Variants in FSIP2 observed in about 807,000 individuals in gnomAD.
FSIP2 encodes fibrous sheath interacting protein 2.
In FSIP2, 367 loss-of-function variants were observed where a neutral mutation model predicts 510.5. The observed-to-expected ratio is 0.72, with a 90% CI of 0.66 to 0.78. The LOEUF (loss-of-function observed/expected upper bound fraction) is 0.78. Among genes scored for constraint, FSIP2 ranks in the 30% least tolerant of loss-of-function variants. The pLI is 0.00. For missense variants in FSIP2, 7,594 were observed against 7,901.7 expected (o/e 0.96, Z 1.48); for synonymous variants, 2,601 against 2,732.2 (o/e 0.95, Z 1.50).
At chr2:185,756,376 C>G (rs771601946) in intron 9 of FSIP2, 98 bp downstream of exon 9, 14 of 420,886 alleles carry the variant, frequency 3.3e-5, no homozygotes, top group Non-Finnish European at 5.5e-5. Context: ...GCAGACAAAT[C>G]CTGTTTTCTT....
At position 185,796,051 on chromosome 2, in the gene FSIP2, A is replaced by G. The variant is rs766304470; in HGVS notation, c.8915A>G (p.Tyr2972Cys). Reference protein sequence around the residue: ...NKHSLSSLPIYNTKTKDQISV... With the variant: ...NKHSLSSLPICNTKTKDQISV... ...CATAGCCTCAGCAGTTTACCAATCT[A>G]TAACACAAAGACAAAAGACCAAATT... The change falls in exon 16 of 23, where the codon TAT becomes TGT. Residue 2972 changes from tyrosine to cysteine, a missense_variant. Coordinates refer to ENST00000424728, the MANE Select transcript of FSIP2 (RefSeq NM_173651.4). 6 of 1,532,154 alleles carry G rather than the reference A, an allele frequency of 3.9e-6. No individual in the cohort carries two copies. The highest frequency in any genetic ancestry group is 5.2e-6 in the Non-Finnish European group (6 of 1,145,390). 94.9% of individuals were successfully genotyped at this position (1,532,154 alleles called of 1,614,324 possible). A position where few individuals can be genotyped will look rare whatever the true frequency, so the allele number is the denominator to read the frequency against.
intron 13 of FSIP2, among the ~76,000 whole-genome samples, chr2:185,779,519 T>C (rs951050026): frequency 1.3e-5 from 2 of 152,136 alleles, no homozygotes; most frequent in African/African-American, 4.8e-5. Flanking sequence ...TGTTGAACGC[T>C]GTAAATTTAC....
chr2:185,791,501 G>C lies in FSIP2; in HGVS notation c.4365G>C (p.Gln1455His). The C allele has an allele frequency of 6.5e-7, 1 of 1,534,358 alleles. No individual in the cohort carries two copies. ...SKLLGTHLHS[Q>H]LSCSQQSREM... ...TCCTGGGGACCCATCTTCATTCTCA[G>C]CTATCTTGTAGTCAACAAAGCAGAG... The change falls in exon 16 of 23, where the codon CAG becomes CAC. Residue 1455 changes from glutamine to histidine, a missense_variant. Coordinates refer to ENST00000424728, the MANE Select transcript of FSIP2 (RefSeq NM_173651.4).
chr2:185,801,143 G>T lies in FSIP2; in HGVS notation c.11837G>T (p.Arg3946Ile). Reference sequence around the variant, plus strand: ...TCCTCTTCTGTGTCACCTTTTGAAAGACAGAGAACAAAGGAAATGGATAAG... The same window carrying T: ...TCCTCTTCTGTGTCACCTTTTGAAATACAGAGAACAAAGGAAATGGATAAG... Reference protein sequence around the residue: ...VKSSSVSPFERQRTKEMDKVA... With the variant: ...VKSSSVSPFEIQRTKEMDKVA... Residue 3946 changes from arginine to isoleucine, a missense_variant, in exon 17 of 23, where the codon AGA becomes ATA. Coordinates refer to ENST00000424728, the MANE Select transcript of FSIP2 (RefSeq NM_173651.4). 6.5e-7 allele frequency: 1 copy of T among 1,533,758 alleles called. No homozygotes were observed. The highest frequency in any genetic ancestry group is 8.7e-7 in the Non-Finnish European group (1 of 1,145,446).
rs1559031408 is a variant in FSIP2, at chr2:185,799,790, T to C, written c.10484T>C (p.Ile3495Thr). The C allele has an allele frequency of 6.5e-7, 1 of 1,528,506 alleles. No individual in the cohort carries two copies. Among genetic ancestry groups the C allele is most frequent in the East Asian group, 2.5e-5 (1 of 40,614 alleles). 94.7% of individuals were successfully genotyped at this position (1,528,506 alleles called of 1,614,324 possible). A position where few individuals can be genotyped will look rare whatever the true frequency, so the allele number is the denominator to read the frequency against. The change falls in exon 17 of 23, where the codon ATT (isoleucine) becomes ACT (threonine). Residue 3495 changes from isoleucine (I) to threonine (T), a missense_variant. Ile to Thr is a moderately conservative substitution (Grantham distance 89). Coordinates refer to ENST00000424728, the MANE Select transcript of FSIP2 (RefSeq NM_173651.4). ...AGAAACATATACGATGATTCTTCAATTTATCAATGTTGTGAACATCTCACT... is the reference window on the plus strand; with the variant it reads ...AGAAACATATACGATGATTCTTCAACTTATCAATGTTGTGAACATCTCACT... ...FLRNIYDDSS[I>T]YQCCEHLTES...
chr2:185,808,468 T>C lies in FSIP2; in HGVS notation c.19162T>C (p.Leu6388=), dbSNP rs768949670. The C allele has an allele frequency of 1.9e-6, 3 of 1,607,038 alleles. No individual in the cohort carries two copies. Among genetic ancestry groups the C allele is most frequent in the South Asian group, 1.1e-5 (1 of 89,420 alleles). ...TAAAATTGCATCTCAACTGTCAAAATTGGTAACAGCTGAAATTTCCAGAAG... is the reference window on the plus strand; with the variant it reads ...TAAAATTGCATCTCAACTGTCAAAACTGGTAACAGCTGAAATTTCCAGAAG... ...LNKIASQLSK[L]VTAEISRSSI... The change falls in exon 17 of 23, where the codon TTG becomes CTG. Residue 6388 remains leucine, a synonymous_variant. Transcript: ENST00000424728.
upstream of FSIP2, among the ~76,000 whole-genome samples, chr2:185,737,733 A>G (rs1691813395): frequency 6.6e-6 from 1 of 151,988 alleles, no homozygotes; most frequent in Non-Finnish European, 1.5e-5. Flanking sequence ...GAGTAGATTG[A>G]ATTTAAGACA....
In FSIP2 at chr2:185,793,834, T is replaced by C. The variant is rs866671266; in HGVS notation, c.6698T>C (p.Val2233Ala). 2.5e-5 allele frequency: 39 copies of C among 1,532,598 alleles called. 1 individual carries two copies. In the East Asian group the frequency reaches 5.9e-4, roughly 23 times the overall value. The allele number at this position is 1,532,598 out of a possible 1,614,324, so 94.9% of individuals were successfully genotyped here. The change falls in exon 16 of 23, where the codon GTA (valine) becomes GCA (alanine). Residue 2233 changes from valine (V) to alanine (A), a missense_variant. By Grantham distance (64) the Val-to-Ala change is moderately conservative. Transcript: ENST00000424728. ...AYADDNQITV[V>A]EKEDTQKSAT... is the part of the protein sequence containing the mutation. ...GCTGATGATAATCAGATAACTGTAG[T>C]AGAGAAAGAAGACACTCAGAAATCT... is the stretch of plus-strand genomic sequence containing the variant.
Position 185,804,939 on chromosome 2 carries a change from T to A in FSIP2, c.15633T>A (p.Asp5211Glu). Residue 5211 changes from aspartate to glutamate, a missense_variant, in exon 17 of 23, where the codon GAT (aspartate) becomes GAA (glutamate). Physicochemically the swap from Asp to Glu is conservative, Grantham distance 45. Transcript: ENST00000424728. ...AATTCCAAGCTGAAGTACAAAAAGATGCAGACAAAAAAGGATGCTCATTCC... is the reference window on the plus strand; with the variant it reads ...AATTCCAAGCTGAAGTACAAAAAGAAGCAGACAAAAAAGGATGCTCATTCC... ...TSEFQAEVQK[D>E]ADKKGCSFLS... is the part of the protein sequence containing the mutation. 6.5e-7 allele frequency: 1 copy of A among 1,528,760 alleles called. No individual in the cohort carries two copies. Among genetic ancestry groups the A allele is most frequent in the Admixed American group, 2.0e-5 (1 of 49,048 alleles). 94.7% of individuals were successfully genotyped at this position (1,528,760 alleles called of 1,614,324 possible). A position where few individuals can be genotyped will look rare whatever the true frequency, so the allele number is the denominator to read the frequency against.
chr2:185,760,950 A>G (rs1302163095), intron 9 of FSIP2, 38 bp from the exon 10 acceptor site: 9 of 838,450 alleles, frequency 1.1e-5, no homozygotes, highest in East Asian at 2.7e-5. Context: ...TGTTAAAAAA[A>G]AAAAAAACTA....
At chr2:185,740,726 T>C (rs569638439) in intron 2 of FSIP2, among the ~76,000 whole-genome samples, 69 of 152,252 alleles carry the variant, frequency 4.5e-4, no homozygotes, top group South Asian at 3.1e-3. Flanking sequence ...AGTCCTTTCA[T>C]TATTACCTCC....
rs1208871514 is a variant in FSIP2, at chr2:185,802,793, A to G, written c.13487A>G (p.Asp4496Gly). 3 of 1,521,060 alleles carry G rather than the reference A, an allele frequency of 2.0e-6. No individual in the cohort carries two copies. Among genetic ancestry groups the G allele is most frequent in the Non-Finnish European group, 2.6e-6 (3 of 1,141,092 alleles). The allele number at this position is 1,521,060 out of a possible 1,614,324, so 94.2% of individuals were successfully genotyped here. Residue 4496 changes from aspartate (D) to glycine (G), a missense_variant, in exon 17 of 23, where the codon GAT becomes GGT. Asp to Gly is a moderately conservative substitution (Grantham distance 94, BLOSUM62 -1). Transcript: ENST00000424728. ...SLVLNRDTQK[D>G]ISRVNFNDIA... is the part of the protein sequence containing the mutation. ...GTTCTAAACAGAGACACCCAAAAAG[A>G]TATATCAAGAGTGAATTTCAATGAC...
Position 185,792,788 on chromosome 2 carries a change from C to A in FSIP2, c.5652C>A (p.Thr1884=). The stretch of plus-strand genomic sequence containing the variant: ...CAAATGTTTCTTCTCATGAACACAC[C>A]TATAAAGGAAAGTCCTCTGTCACGG... ...FSANVSSHEH[T]YKGKSSVTAL... Residue 1884 remains threonine, a synonymous_variant, in exon 16 of 23, where the codon ACC becomes ACA. Coordinates refer to ENST00000424728, the MANE Select transcript of FSIP2 (RefSeq NM_173651.4). 1 of 1,534,090 alleles carries A rather than the reference C, an allele frequency of 6.5e-7. No homozygotes were observed. The highest frequency in any genetic ancestry group is 8.7e-7 in the Non-Finnish European group (1 of 1,145,476).
In FSIP2 at chr2:185,796,486, T is replaced by C; in HGVS notation, c.9350T>C (p.Val3117Ala). The change falls in exon 16 of 23, where the codon GTA becomes GCA. Residue 3117 changes from valine to alanine, a missense_variant. Transcript: ENST00000424728. ...SSISILKENIVASEIIGTLMD... is the reference protein window; with the variant it reads ...SSISILKENIAASEIIGTLMD... ...ATTAGCATATTGAAAGAGAACATTG[T>C]AGCAAGTGAGATCATTGGCACACTA... The C allele has an allele frequency of 1.3e-6, 2 of 1,535,114 alleles. No homozygotes were observed. The highest frequency in any genetic ancestry group is 1.7e-6 in the Non-Finnish European group (2 of 1,146,284).
In FSIP2 at chr2:185,800,481, A is replaced by G. The variant is rs1170351355; in HGVS notation, c.11175A>G (p.Thr3725=). The change falls in exon 17 of 23, where the codon ACA becomes ACG. Residue 3725 remains threonine, a synonymous_variant. Transcript: ENST00000424728. ...TGMDSGKIQR[T]YFYSSNNEQP... ...TGGATTCTGGTAAAATACAAAGAAC[A>G]TATTTCTACTCCTCGAATAATGAGC... 3 of 1,533,354 alleles carry G rather than the reference A, an allele frequency of 2.0e-6. No homozygotes were observed. The Admixed American group carries it at 5.9e-5, about 30-fold the overall frequency. The allele number at this position is 1,533,354 out of a possible 1,614,324, so 95.0% of individuals were successfully genotyped here. A position where few individuals can be genotyped will look rare whatever the true frequency, so the allele number is the denominator to read the frequency against.
intron 13 of FSIP2, among the ~76,000 whole-genome samples, chr2:185,767,917 C>G (rs1692526906): frequency 6.6e-6 from 1 of 152,076 alleles, no homozygotes; most frequent in Non-Finnish European, 1.5e-5. Flanking sequence ...CTAGATCGAT[C>G]ATAAGGTAAT....
intron 14 of FSIP2, among the ~76,000 whole-genome samples, chr2:185,785,334 T>G (rs1692945905): frequency 6.6e-6 from 1 of 152,042 alleles, no homozygotes; most frequent in South Asian, 2.1e-4. Context: ...GCCCATTTTA[T>G]GAACTGAACC....
chr2:185,742,811 G>A (rs1691949663), intron 2 of FSIP2, among the ~76,000 whole-genome samples: 1 of 152,140 alleles, frequency 6.6e-6, no homozygotes, highest in Non-Finnish European at 1.5e-5. Context: ...CCTAGCGTTG[G>A]CTTTGTACCT....
intron 7 of FSIP2, among the ~76,000 whole-genome samples, chr2:185,749,050 C>T (rs1692092013): frequency 6.6e-6 from 1 of 151,980 alleles, no homozygotes; most frequent in African/African-American, 2.4e-5. Flanking sequence ...TGTTTGATTG[C>T]TGTACCTTTA....
Sources: gnomAD v4.1 joint callset for allele counts (sites outside exome capture counted in the v4.1 genomes callset) on GRCh38, gnomAD v4.1.1 for gene constraint, MANE v1.5 for transcripts, NCBI Gene and HGNC (gene_info 2026-07-23, HGNC 2026-07-21) for gene names.